The following ATP10D variants were observed in gnomAD, a reference collection of about 807,000 sequenced individuals.
ATP10D encodes phospholipid-transporting ATPase VD.
In ATP10D, 89 loss-of-function variants were observed where a neutral mutation model predicts 144.8. The observed-to-expected ratio is 0.61, with a 90% CI of 0.52 to 0.73. The LOEUF is 0.73. Among genes scored for constraint, ATP10D ranks in the 30% least tolerant of loss-of-function variants. ATP10D has a pLI of 0.00. For synonymous variants in ATP10D, 571 were observed against 615.1 expected (o/e 0.93, Z 1.06); for missense variants, 1,603 against 1,714.8 (o/e 0.93, Z 1.15).
intron 9 of ATP10D, among the ~76,000 whole-genome samples, chr4:47,539,785 T>A (rs1718037733): frequency 6.6e-6 from 1 of 152,216 alleles, no homozygotes; most frequent in African/African-American, 2.4e-5. Flanking sequence ...AAGCACTGCT[T>A]TATTTTTTTG....
chr4:47,565,644 CAGA>C (rs1437921240), intron 15 of ATP10D, among the ~76,000 whole-genome samples: 1 of 151,892 alleles, frequency 6.6e-6, no homozygotes, highest in Non-Finnish European at 1.5e-5. Context: ...CGGTGCCTAT[CAGA>C]TGAGAGGGGT....
chr4:47,495,158 A>C (rs182467638), intron 1 of ATP10D, among the ~76,000 whole-genome samples: 1 of 152,220 alleles, frequency 6.6e-6, no homozygotes, highest in Non-Finnish European at 1.5e-5. Flanking sequence ...TTGAACTTAC[A>C]TGTCAAGAAA....
At position 47,582,117 on chromosome 4, in the gene ATP10D, T is replaced by C. The variant is rs922137289; in HGVS notation, c.3753+53T>C. 3.1e-5 allele frequency: 43 copies of C among 1,382,160 alleles called. No individual in the cohort carries two copies. In the Middle Eastern group the frequency reaches 5.3e-4, roughly 17 times the overall value. 85.6% of individuals were successfully genotyped at this position (1,382,160 alleles called of 1,614,324 possible). On this transcript the variant is annotated intron_variant, in intron 21 of 22. Coordinates refer to ENST00000273859, the MANE Select transcript of ATP10D (RefSeq NM_020453.4). ...GCCTAAAATCTTTTATGCTTGGGGA[T>C]ATGTCTTCTATTAGCAGTGACCCTG...
chr4:47,545,870 C>T (rs999740934), intron 9 of ATP10D, among the ~76,000 whole-genome samples: 1 of 152,118 alleles, frequency 6.6e-6, no homozygotes, highest in African/African-American at 2.4e-5. Flanking sequence ...GGGAAGTCTT[C>T]ACTTCCCAGT....
intron 5 of ATP10D, among the ~76,000 whole-genome samples, chr4:47,530,821 TCCTTCTGTCTCTGGAA>T (rs1717529272): frequency 6.6e-6 from 1 of 152,248 alleles, no homozygotes; most frequent in African/African-American, 2.4e-5. Context: ...TGTTAAACTA[TCCTTCTGTCTCTGGAA>T]TAAAACCATG....
In ATP10D at chr4:47,505,621, A is replaced by C. The variant is rs1290477761; in HGVS notation, c.-37-6883A>C. Among the ~76,000 whole-genome samples the C allele has an allele frequency of 2.0e-5, 3 of 152,248 alleles. No individual in the cohort carries two copies. The South Asian group carries it at 6.2e-4, about 32-fold the overall frequency. On this transcript the variant is annotated intron_variant, in intron 1 of 22. Transcript: ENST00000273859. ...CATGGCGATGCATGCCTATAGTCCC[A>C]GCTACTTGTGAAGCTGTGGTGGAAG...
In ATP10D at chr4:47,563,533, C is replaced by G. The variant is rs774829753; in HGVS notation, c.2669-48C>G. ...CAACTGTAGACTAGCTGAGCTTCAGCTGGCTTTGGTTTCTTACAAGTCCTA... is the reference window on the plus strand; with the variant it reads ...CAACTGTAGACTAGCTGAGCTTCAGGTGGCTTTGGTTTCTTACAAGTCCTA... On this transcript the variant is annotated intron_variant, in intron 14 of 22. Coordinates refer to ENST00000273859, the MANE Select transcript of ATP10D (RefSeq NM_020453.4). 4.6e-6 allele frequency: 7 copies of G among 1,517,468 alleles called. No individual in the cohort carries two copies. The Admixed American group carries it at 1.4e-4, about 30-fold the overall frequency. The allele number at this position is 1,517,468 out of a possible 1,614,324, so 94.0% of individuals were successfully genotyped here.
intron 16 of ATP10D, among the ~76,000 whole-genome samples, chr4:47,571,666 T>C (rs1489477055): frequency 6.6e-6 from 1 of 152,138 alleles, no homozygotes; most frequent in Non-Finnish European, 1.5e-5. Context: ...GCAACCATGA[T>C]ACTGTGTGAT....
Position 47,557,967 on chromosome 4 carries a change from G to A in ATP10D, c.2128G>A (p.Glu710Lys), listed in dbSNP as rs1223062898. 3 of 1,614,212 alleles carry A rather than the reference G, an allele frequency of 1.9e-6. No individual in the cohort carries two copies. The highest frequency in any genetic ancestry group is 1.1e-5 in the South Asian group (1 of 91,088). ...GDAGLLNGKA[E>K]SLPGQPLACN... Reference sequence around the variant, plus strand: ...TGCAGGCCTCCTGAATGGCAAGGCAGAGTCCCTCCCTGGACAGCCATTGGC... The same window carrying A: ...TGCAGGCCTCCTGAATGGCAAGGCAAAGTCCCTCCCTGGACAGCCATTGGC... The change falls in exon 12 of 23, where the codon GAG (glutamate) becomes AAG (lysine). Residue 710 changes from glutamate to lysine, a missense_variant. Glu to Lys is a moderately conservative substitution (Grantham distance 56). Transcript: ENST00000273859.
In ATP10D at chr4:47,577,065, A is replaced by C. The variant is rs80129210; in HGVS notation, c.3567+92A>C. 7.1e-3 allele frequency: 7,856 copies of C among 1,103,986 alleles called. 336 individuals carry two copies. In the East Asian group the frequency reaches 0.11, roughly 16 times the overall value. The allele number at this position is 1,103,986 out of a possible 1,614,324, so 68.4% of individuals were successfully genotyped here. On this transcript the variant is annotated intron_variant, in intron 19 of 22. Coordinates refer to ENST00000273859, the MANE Select transcript of ATP10D (RefSeq NM_020453.4). ...GTTAGCAAAATATTGCAGTCTACTC[A>C]GAACTGTTTGAAATATCTGATTGTT...
At chr4:47,552,097 C>T (rs1241185609) in intron 10 of ATP10D, among the ~76,000 whole-genome samples, 1 of 152,128 alleles carries the variant, frequency 6.6e-6, no homozygotes, top group East Asian at 1.9e-4. Context: ...ATTTTTCCCA[C>T]TTTATTTTGG....
chr4:47,547,737 A>G (rs929593355), intron 10 of ATP10D, among the ~76,000 whole-genome samples: 1 of 152,148 alleles, frequency 6.6e-6, no homozygotes, highest in Non-Finnish European at 1.5e-5. Context: ...GAGACATGAT[A>G]TGAGTAGACC....
At chr4:47,487,324 A>G (rs1354273324) in intron 1 of ATP10D, among the ~76,000 whole-genome samples, 4 of 152,194 alleles carry the variant, frequency 2.6e-5, no homozygotes, top group African/African-American at 9.7e-5. Context: ...TTTATAATAG[A>G]ACAGAGGTGA....
At chr4:47,515,411 T>C in intron 2 of ATP10D, 65 bp from the exon 3 acceptor site, 2 of 1,304,286 alleles carry the variant, frequency 1.5e-6, no homozygotes, top group Non-Finnish European at 2.1e-6. Context: ...AATATAGTAC[T>C]TTGCCTCTGA....
Position 47,591,080 on chromosome 4 carries a change from C to G in ATP10D, c.3980C>G (p.Ser1327Cys). 1 of 1,611,880 alleles carries G rather than the reference C, an allele frequency of 6.2e-7. No individual in the cohort carries two copies. Among genetic ancestry groups the G allele is most frequent in the South Asian group, 1.1e-5 (1 of 90,886 alleles). ...GTTCTTCAGGGATCCCTGTTTCCAT[C>G]TCCAATTCTGAGAGCTAAGCACTTT... is the stretch of plus-strand genomic sequence containing the variant. ...YRVLQGSLFP[S>C]PILRAKHFDR... Residue 1327 changes from serine to cysteine, a missense_variant, in exon 23 of 23, where the codon TCT (serine) becomes TGT (cysteine). By Grantham distance (112) the Ser-to-Cys change is moderately radical. Transcript: ENST00000273859.
chr4:47,559,103 G>GT (rs1354190089), intron 13 of ATP10D, 74 bp downstream of exon 13: 1 of 1,156,626 alleles, frequency 8.6e-7, no homozygotes, highest in Non-Finnish European at 1.3e-6. Context: ...AAACCAGCGT[G>GT]TAGCAAACCC....
In ATP10D at chr4:47,572,205, G is replaced by A. The variant is rs1471512221; in HGVS notation, c.3215G>A (p.Gly1072Glu). Reference sequence around the variant, plus strand: ...ATACAAGTGGCAGACATTGGGATAGGGGTCTCAGGTCAAGAAGGCATGCAG... The same window carrying A: ...ATACAAGTGGCAGACATTGGGATAGAGGTCTCAGGTCAAGAAGGCATGCAG... ...SMIQVADIGI[G>E]VSGQEGMQAV... Residue 1072 changes from glycine to glutamate, a missense_variant, in exon 17 of 23, where the codon GGG becomes GAG. Gly to Glu is a moderately conservative substitution (Grantham distance 98). Transcript: ENST00000273859. 1 of 1,614,050 alleles carries A rather than the reference G, an allele frequency of 6.2e-7. No homozygotes were observed. Among genetic ancestry groups the A allele is most frequent in the Non-Finnish European group, 8.5e-7 (1 of 1,179,980 alleles).
chr4:47,568,696 TA>T, intron 15 of ATP10D, 140 bp from the exon 16 acceptor site: 1 of 745,858 alleles, frequency 1.3e-6, no homozygotes, highest in Non-Finnish European at 2.2e-6. Flanking sequence ...GGAAGACTCG[TA>T]AAATCTTTGA....
At chr4:47,495,756 A>G (rs1451459254) in intron 1 of ATP10D, among the ~76,000 whole-genome samples, 1 of 143,872 alleles carries the variant, frequency 7.0e-6, no homozygotes, top group African/African-American at 2.6e-5. Flanking sequence ...TTTTTTTTTG[A>G]AATGCAGTTT....
Sources: gnomAD v4.1 joint callset for allele counts (sites outside exome capture counted in the v4.1 genomes callset) on GRCh38, gnomAD v4.1.1 for gene constraint, MANE v1.5 for transcripts, NCBI Gene and HGNC (gene_info 2026-07-23, HGNC 2026-07-21) for gene names.